Variants in GLI2 observed in about 807,000 individuals in gnomAD.
The protein encoded by GLI2 is GLI family zinc finger 2, also known as transcription activator GLI2.
GLI2 carries 22 observed loss-of-function variants against 78.9 expected under a neutral mutation model. The ratio of observed to expected loss-of-function variants is 0.28; its 90% CI spans 0.20 to 0.40. The LOEUF is 0.40. Ranked by LOEUF, GLI2 falls within the 10% of genes least tolerant of loss-of-function variation. GLI2 has a pLI of 1.00. For synonymous variants in GLI2, 974 were observed against 963.7 expected (o/e 1.01, Z -0.20); for missense variants, 2,097 against 2,213.2 (o/e 0.95, Z 1.05).
In GLI2 at chr2:120,736,053, G is replaced by C. The variant is rs564534142; in HGVS notation, c.-263G>C. ...GAGGAAAGAGCTTGGGCCGCGCGGC[G>C]CGCCGCAGCCTCGGGGAGCCGCCTG... On this transcript the variant is annotated 5_prime_UTR_variant, in exon 1 of 14. Transcript: ENST00000361492. Among the ~76,000 whole-genome samples the C allele has an allele frequency of 4.5e-4, 68 of 151,514 alleles. No individual in the cohort carries two copies. The South Asian group carries it at 5.4e-3, about 12-fold the overall frequency.
intron 2 of GLI2, among the ~76,000 whole-genome samples, chr2:120,811,868 CT>C (rs1685258033): frequency 6.6e-6 from 1 of 152,068 alleles, no homozygotes; most frequent in Admixed American, 6.5e-5. Flanking sequence ...CTCTTTCCTT[CT>C]CTTCCTTTTT....
At chr2:120,831,658 A>C (rs1686366366) in intron 2 of GLI2, among the ~76,000 whole-genome samples, 1 of 152,160 alleles carries the variant, frequency 6.6e-6, no homozygotes, top group Non-Finnish European at 1.5e-5. Flanking sequence ...TCTGGTTGTC[A>C]CACAGCCCCC....
At chr2:120,880,381 T>C (rs1677058149) in intron 2 of GLI2, among the ~76,000 whole-genome samples, 1 of 152,172 alleles carries the variant, frequency 6.6e-6, no homozygotes, top group Non-Finnish European at 1.5e-5. Context: ...GCTGATTAAA[T>C]TCATCCATCT....
chr2:120,777,941 G>A (rs935480257), intron 1 of GLI2, among the ~76,000 whole-genome samples: 34 of 152,210 alleles, frequency 2.2e-4, no homozygotes, highest in Admixed American at 7.8e-4. Flanking sequence ...GACTCACTGG[G>A]GGTACAGAAG....
intron 13 of GLI2, among the ~76,000 whole-genome samples, chr2:120,987,824 A>G (rs1178160632): frequency 6.6e-6 from 1 of 152,196 alleles, no homozygotes; most frequent in Admixed American, 6.5e-5. Flanking sequence ...CCAGACAGAT[A>G]ATGGTAAAGT....
chr2:120,992,390 A>G lies in GLI2; in HGVS notation c.*1715A>G, dbSNP rs1683323858. ...TACTGTAGGTGAGTCGTCCAGCCAA[A>G]TTTATATCTCCAAAACATTTTTAGC... On this transcript the variant is annotated 3_prime_UTR_variant, in exon 14 of 14. Transcript: ENST00000361492. 1 of 152,184 alleles carries G rather than the reference A, an allele frequency of 6.6e-6. No homozygotes were observed. The highest frequency in any genetic ancestry group is 2.4e-5 in the African/African-American group (1 of 41,450). The allele number at this position is 152,184 out of a possible 1,614,324, so 9.4% of individuals were successfully genotyped here.
At chr2:120,741,939 C>T (rs1431992221) in intron 1 of GLI2, among the ~76,000 whole-genome samples, 1 of 152,202 alleles carries the variant, frequency 6.6e-6, no homozygotes, top group Non-Finnish European at 1.5e-5. Flanking sequence ...CCGGAGCGCG[C>T]GAGCGGCTCC....
intron 3 of GLI2, among the ~76,000 whole-genome samples, chr2:120,928,365 C>T (rs1039812988): frequency 1.3e-5 from 2 of 152,224 alleles, no homozygotes; most frequent in Non-Finnish European, 2.9e-5. Flanking sequence ...AGGCCACCTC[C>T]AAGCCTCAAC....
chr2:120,799,366 A>G (rs1473110750), intron 2 of GLI2, among the ~76,000 whole-genome samples: 1 of 152,162 alleles, frequency 6.6e-6, no homozygotes, highest in Non-Finnish European at 1.5e-5. Flanking sequence ...TCGTGAGCAT[A>G]GTTGCCACAG....
chr2:120,940,775 CA>C (rs2104914984), intron 3 of GLI2, among the ~76,000 whole-genome samples: 1 of 152,370 alleles, frequency 6.6e-6, no homozygotes, highest in Admixed American at 6.5e-5. Flanking sequence ...CATGGGCACT[CA>C]GGGGGTCTGC....
At chr2:120,909,156 C>A (rs557796171) in intron 2 of GLI2, among the ~76,000 whole-genome samples, 1 of 152,164 alleles carries the variant, frequency 6.6e-6, no homozygotes, top group Non-Finnish European at 1.5e-5. Context: ...ATGCACCCTC[C>A]GCCTTTTGGC....
chr2:120,802,859 G>A (rs1316447394), intron 2 of GLI2, among the ~76,000 whole-genome samples: 8 of 152,216 alleles, frequency 5.3e-5, no homozygotes, highest in Non-Finnish European at 1.0e-4. Context: ...AGTGTGGGCC[G>A]CACCAGCAAC....
intron 1 of GLI2, among the ~76,000 whole-genome samples, chr2:120,765,548 TG>T (rs990147438): frequency 1.3e-5 from 2 of 152,224 alleles, no homozygotes; most frequent in Non-Finnish European, 2.9e-5. Context: ...GGCAGGGACC[TG>T]GTCTGTACCC....
intron 2 of GLI2, among the ~76,000 whole-genome samples, chr2:120,888,083 C>T (rs1045785397): frequency 3.3e-5 from 5 of 152,214 alleles, no homozygotes; most frequent in East Asian, 3.9e-4. Flanking sequence ...CTGAGCCTTG[C>T]GTGGGACCTG....
At chr2:120,907,678 T>C (rs1017267167) in intron 2 of GLI2, among the ~76,000 whole-genome samples, 3 of 152,162 alleles carry the variant, frequency 2.0e-5, no homozygotes, top group African/African-American at 7.2e-5. Context: ...TCCTTGACAG[T>C]TCCTCACTGT....
At position 120,854,321 on chromosome 2, in the gene GLI2, C is replaced by T. The variant is rs146072571; in HGVS notation, c.148+56853C>T. Among the ~76,000 whole-genome samples the T allele has an allele frequency of 5.6e-3, 851 of 152,312 alleles. 5 individuals carry two copies. Among genetic ancestry groups the T allele is most frequent in the African/African-American group, 0.02 (813 of 41,570 alleles). ...CTGGCAGGCCCTGTCAGTTCACCTCCATCCTCTGGTCACACTTGGGTCCCA... is the reference window on the plus strand; with the variant it reads ...CTGGCAGGCCCTGTCAGTTCACCTCTATCCTCTGGTCACACTTGGGTCCCA... On this transcript the variant is annotated intron_variant, in intron 2 of 13. Coordinates refer to ENST00000361492, the MANE Select transcript of GLI2 (RefSeq NM_001374353.1).
intron 2 of GLI2, among the ~76,000 whole-genome samples, chr2:120,883,639 T>C (rs550073721): frequency 2.6e-4 from 40 of 152,334 alleles, no homozygotes; most frequent in African/African-American, 9.1e-4. Flanking sequence ...GTTATTATTG[T>C]AATCCTGTTT....
At chr2:120,851,368 T>C (rs1687398557) in intron 2 of GLI2, among the ~76,000 whole-genome samples, 1 of 152,194 alleles carries the variant, frequency 6.6e-6, no homozygotes, top group South Asian at 2.1e-4. Flanking sequence ...TCTGTTTGGA[T>C]TTACTTTTTT....
intron 2 of GLI2, among the ~76,000 whole-genome samples, chr2:120,880,474 G>A (rs182713249): frequency 4.6e-5 from 7 of 152,030 alleles, no homozygotes; most frequent in Non-Finnish European, 7.4e-5. Flanking sequence ...CTCCTTCCCC[G>A]CCTCGCAGAC....
Sources: gnomAD v4.1 joint callset for allele counts (sites outside exome capture counted in the v4.1 genomes callset) on GRCh38, gnomAD v4.1.1 for gene constraint, MANE v1.5 for transcripts, NCBI Gene and HGNC (gene_info 2026-07-23, HGNC 2026-07-21) for gene names.